Variants in FAM168A observed in about 807,000 individuals in gnomAD.
FAM168A encodes the protein family with sequence similarity 168 member A, also known as protein FAM168A.
In FAM168A, 3 loss-of-function variants were observed where a neutral mutation model predicts 28.5. The ratio of observed to expected loss-of-function variants is 0.11; its 90% CI spans 0.05 to 0.27. The LOEUF (loss-of-function observed/expected upper bound fraction) is 0.27. FAM168A is among the 10% of genes least tolerant of loss of function. FAM168A has a pLI of 1.00. For synonymous variants in FAM168A, 122 were observed against 124.2 expected (o/e 0.98, Z 0.12); for missense variants, 222 against 311.5 (o/e 0.71, Z 2.16).
intron 1 of FAM168A, among the ~76,000 whole-genome samples, chr11:73,586,304 G>T (rs1344615916): frequency 2.0e-5 from 3 of 152,036 alleles, no homozygotes; most frequent in Non-Finnish European, 4.4e-5. Context: ...ACCACAGCAG[G>T]GTGCAATGAC....
chr11:73,493,925 C>G (rs578079716), intron 1 of FAM168A, among the ~76,000 whole-genome samples: 93 of 152,230 alleles, frequency 6.1e-4, no homozygotes, highest in Non-Finnish European at 1.1e-3. Flanking sequence ...ATCCTCTATC[C>G]CAAAAATACA....
chr11:73,433,642 A>G (rs1867036611), intron 2 of FAM168A, among the ~76,000 whole-genome samples: 1 of 152,154 alleles, frequency 6.6e-6, no homozygotes, highest in South Asian at 2.1e-4. Flanking sequence ...GTAATTACAT[A>G]TTCTTCAAAA....
chr11:73,460,393 C>T (rs559908846), intron 2 of FAM168A, among the ~76,000 whole-genome samples: 248 of 152,194 alleles, frequency 1.6e-3, no homozygotes, highest in African/African-American at 5.7e-3. Flanking sequence ...TCTTTCTTCT[C>T]CCCCCTTTCT....
chr11:73,537,913 T>G (rs1943602521), intron 1 of FAM168A, among the ~76,000 whole-genome samples: 1 of 152,172 alleles, frequency 6.6e-6, no homozygotes, highest in African/African-American at 2.4e-5. Flanking sequence ...AATGTCTGAC[T>G]TCCCCATGTA....
chr11:73,546,662 G>A lies in FAM168A; in HGVS notation c.-19+51261C>T, dbSNP rs763758743. The stretch of plus-strand genomic sequence containing the variant: ...CAGGAGAATTGCTTGAAACTGGGAG[G>A]TGGAGGTTGCAGCGAGCCTAGATCG... On this transcript the variant is annotated intron_variant, in intron 1 of 7. Transcript: ENST00000356467. Among the ~76,000 whole-genome samples, 627 of 151,592 alleles carry A rather than the reference G, an allele frequency of 4.1e-3. 13 individuals are homozygous for A. The highest frequency in any genetic ancestry group is 4.0e-3 in the Non-Finnish European group (269 of 67,920).
chr11:73,578,491 C>T (rs1201631338), intron 1 of FAM168A, among the ~76,000 whole-genome samples: 3 of 152,158 alleles, frequency 2.0e-5, no homozygotes, highest in Non-Finnish European at 2.9e-5. Context: ...TACACTCACA[C>T]ACAAACACAC....
intron 2 of FAM168A, among the ~76,000 whole-genome samples, chr11:73,457,916 C>T (rs1169883921): frequency 6.6e-6 from 1 of 151,758 alleles, no homozygotes; most frequent in African/African-American, 2.4e-5. Flanking sequence ...AACCTTATTC[C>T]CTCATATGTA....
At chr11:73,446,214 T>G (rs1043791885) in intron 2 of FAM168A, among the ~76,000 whole-genome samples, 1 of 152,184 alleles carries the variant, frequency 6.6e-6, no homozygotes, top group Non-Finnish European at 1.5e-5. Flanking sequence ...TTACTGCTTG[T>G]TTTATTATGA....
intron 2 of FAM168A, among the ~76,000 whole-genome samples, chr11:73,459,412 G>A (rs1867601750): frequency 6.6e-6 from 1 of 151,654 alleles, no homozygotes; most frequent in South Asian, 2.1e-4. Context: ...CGTGAACCTG[G>A]GAGGCGGAGC....
At chr11:73,496,088 G>A (rs944624826) in intron 1 of FAM168A, among the ~76,000 whole-genome samples, 1 of 147,836 alleles carries the variant, frequency 6.8e-6, no homozygotes, top group Admixed American at 6.7e-5. Flanking sequence ...CACACAACCC[G>A]CATACACACA....
intron 2 of FAM168A, among the ~76,000 whole-genome samples, chr11:73,458,297 G>A (rs937611747): frequency 6.6e-6 from 1 of 152,164 alleles, no homozygotes; most frequent in Non-Finnish European, 1.5e-5. Flanking sequence ...TTACAGAGGT[G>A]GGAAATCATT....
chr11:73,552,955 T>C (rs1050551385), intron 1 of FAM168A, among the ~76,000 whole-genome samples: 4 of 151,930 alleles, frequency 2.6e-5, no homozygotes, highest in Non-Finnish European at 2.9e-5. Flanking sequence ...AGATTCTGTC[T>C]CAATCAATCA....
intron 1 of FAM168A, among the ~76,000 whole-genome samples, chr11:73,514,373 GA>G (rs1258605964): frequency 2.6e-5 from 4 of 152,198 alleles, no homozygotes; most frequent in Admixed American, 2.6e-4. Context: ...GCTTGATTGA[GA>G]AATTCTAATT....
At chr11:73,537,259 A>C (rs1224844186) in intron 1 of FAM168A, among the ~76,000 whole-genome samples, 4 of 152,142 alleles carry the variant, frequency 2.6e-5, no homozygotes, top group Non-Finnish European at 5.9e-5. Flanking sequence ...GGCAGAAATC[A>C]GATCAAGAAA....
intron 1 of FAM168A, among the ~76,000 whole-genome samples, chr11:73,528,503 T>C (rs751503722): frequency 6.6e-6 from 1 of 152,236 alleles, no homozygotes; most frequent in Non-Finnish European, 1.5e-5. Context: ...TCTCCTCATA[T>C]ATATAAATAT....
At chr11:73,597,337 T>C (rs939084656) in intron 1 of FAM168A, among the ~76,000 whole-genome samples, 1 of 152,022 alleles carries the variant, frequency 6.6e-6, no homozygotes, top group African/African-American at 2.4e-5. Flanking sequence ...CACTTCAAGC[T>C]TGGGTCTCAA....
intron 2 of FAM168A, among the ~76,000 whole-genome samples, chr11:73,460,228 G>A (rs183063528): frequency 7.2e-5 from 11 of 152,088 alleles, no homozygotes; most frequent in Non-Finnish European, 1.2e-4. Context: ...AATCTCTCCC[G>A]CACTGGCTAC....
chr11:73,528,254 C>A (rs1943470357), intron 1 of FAM168A, among the ~76,000 whole-genome samples: 1 of 152,144 alleles, frequency 6.6e-6, no homozygotes. Context: ...GAGGCTGAGA[C>A]TTGCTAGGCT....
intron 2 of FAM168A, among the ~76,000 whole-genome samples, chr11:73,445,419 C>CTCTTTTTTTTTTTT (rs776745757): frequency 5.9e-5 from 3 of 50,432 alleles, no homozygotes; most frequent in Non-Finnish European, 7.3e-5. Context: ...AAAAATGTCT[C>CTCTTTTTTTTTTTT]TTTTTTTTTT....
Sources: allele counts gnomAD v4.1 joint callset (sites outside exome capture counted in the v4.1 genomes callset), GRCh38; gene constraint gnomAD v4.1.1; transcripts MANE v1.5; gene names NCBI Gene and HGNC (gene_info 2026-07-23, HGNC 2026-07-21).